DNM3: variants seen among roughly 807,000 people sequenced by gnomAD.
The protein encoded by DNM3 is dynamin 3.
A neutral mutation model predicts 101.6 loss-of-function variants in DNM3; 47 were observed. The observed-to-expected ratio is 0.46, with a 90% CI of 0.37 to 0.59. DNM3 has a LOEUF of 0.59. Among genes scored for constraint, DNM3 ranks in the 20% least tolerant of loss-of-function variants. The pLI is 0.00. For missense variants in DNM3, 849 were observed against 1,085.7 expected (o/e 0.78, Z 3.06); for synonymous variants, 385 against 387.9 (o/e 0.99, Z 0.09).
intron 1 of DNM3, among the ~76,000 whole-genome samples, chr1:171,861,212 T>G (rs1483932491): frequency 6.6e-6 from 1 of 152,106 alleles, no homozygotes; most frequent in Non-Finnish European, 1.5e-5. Flanking sequence ...CTATCAAAAT[T>G]CCAGATGCCA....
chr1:172,032,310 A>C, intron 4 of DNM3, 92 bp from the exon 5 acceptor site: 1 of 928,880 alleles, frequency 1.1e-6, no homozygotes, highest in Non-Finnish European at 1.7e-6. Flanking sequence ...AGGACCAGGA[A>C]AATGTGCTTT....
chr1:171,894,707 G>A (rs1034812323), intron 1 of DNM3, among the ~76,000 whole-genome samples: 1 of 152,152 alleles, frequency 6.6e-6, no homozygotes, highest in African/African-American at 2.4e-5. Flanking sequence ...TTTACATTAG[G>A]TATTTCTCCT....
At chr1:171,920,863 A>G (rs1260778272) in intron 1 of DNM3, among the ~76,000 whole-genome samples, 1 of 152,190 alleles carries the variant, frequency 6.6e-6, no homozygotes, top group Admixed American at 6.5e-5. Flanking sequence ...TCAATTTGCA[A>G]TGTTTGTTTT....
chr1:171,927,211 C>G (rs961449354), intron 2 of DNM3, among the ~76,000 whole-genome samples: 1 of 152,204 alleles, frequency 6.6e-6, no homozygotes, highest in Non-Finnish European at 1.5e-5. Context: ...TCAGGATACA[C>G]TATCAATACA....
chr1:172,296,750 T>C (rs530907481), intron 15 of DNM3, among the ~76,000 whole-genome samples: 1 of 152,230 alleles, frequency 6.6e-6, no homozygotes, highest in Non-Finnish European at 1.5e-5. Context: ...CTGCTCCTAA[T>C]GTGAATGGAG....
intron 14 of DNM3, among the ~76,000 whole-genome samples, chr1:172,157,071 C>T (rs1220229024): frequency 2.0e-5 from 3 of 152,058 alleles, no homozygotes; most frequent in Non-Finnish European, 4.4e-5. Context: ...ATTTATTGTG[C>T]ACTTTATTTC....
intron 10 of DNM3, among the ~76,000 whole-genome samples, chr1:172,049,854 C>T (rs540019672): frequency 2.6e-5 from 4 of 151,986 alleles, no homozygotes; most frequent in Non-Finnish European, 5.9e-5. Context: ...GACAGAAAGG[C>T]TCAGGTAAAG....
intron 17 of DNM3, among the ~76,000 whole-genome samples, chr1:172,355,041 C>G (rs1451782367): frequency 1.3e-5 from 2 of 152,104 alleles, no homozygotes; most frequent in East Asian, 3.9e-4. Flanking sequence ...GTATAGGTTC[C>G]TCATTCTGTA....
rs527965973 is a variant in DNM3 at position 171,847,500 on chromosome 1, C to T, written c.161+5683C>T. Among the ~76,000 whole-genome samples the T allele has an allele frequency of 5.3e-5, 8 of 150,638 alleles. No individual in the cohort carries two copies. In the South Asian group the frequency reaches 1.7e-3, roughly 32 times the overall value. On this transcript the variant is annotated intron_variant, in intron 1 of 20. Transcript: ENST00000627582. The stretch of plus-strand genomic sequence containing the variant: ...ACTGTGACTTTATCACAAAGAGATA[C>T]TGTATATTGGAGAGGGCCCTAGAGA...
intron 2 of DNM3, among the ~76,000 whole-genome samples, chr1:171,925,395 T>A (rs951644223): frequency 1.3e-5 from 2 of 150,800 alleles, no homozygotes; most frequent in African/African-American, 4.9e-5. Flanking sequence ...ACCTGGCTAA[T>A]TTTTTTTTGT....
At chr1:172,196,134 C>A (rs922832273) in intron 14 of DNM3, among the ~76,000 whole-genome samples, 22 of 151,792 alleles carry the variant, frequency 1.4e-4, no homozygotes, top group South Asian at 2.1e-4. Context: ...TTAGCTCCCA[C>A]CGATAAGTGA....
chr1:171,860,760 A>C (rs1489584788), intron 1 of DNM3, among the ~76,000 whole-genome samples: 1 of 152,080 alleles, frequency 6.6e-6, no homozygotes, highest in African/African-American at 2.4e-5. Context: ...AGAGTCTACA[A>C]ATATTTTGGA....
chr1:172,400,507 A>C (rs2070396765), intron 20 of DNM3, among the ~76,000 whole-genome samples: 1 of 152,026 alleles, frequency 6.6e-6, no homozygotes, highest in Non-Finnish European at 1.5e-5. Flanking sequence ...AGGAAAAAAA[A>C]TCACTTGTAA....
intron 1 of DNM3, among the ~76,000 whole-genome samples, chr1:171,846,912 C>A (rs1451621413): frequency 6.6e-6 from 1 of 152,222 alleles, no homozygotes; most frequent in African/African-American, 2.4e-5. Context: ...TTCATACCTT[C>A]TATTCCTTAC....
intron 14 of DNM3, among the ~76,000 whole-genome samples, chr1:172,234,503 T>G (rs981979237): frequency 6.6e-6 from 1 of 152,118 alleles, no homozygotes; most frequent in Non-Finnish European, 1.5e-5. Flanking sequence ...AAGCTACCAA[T>G]GACTTTCTTC....
intron 1 of DNM3, among the ~76,000 whole-genome samples, chr1:171,859,199 T>C (rs949220090): frequency 3.9e-5 from 6 of 152,140 alleles, no homozygotes; most frequent in Non-Finnish European, 1.5e-5. Context: ...CGCTGTTTCA[T>C]TGCCTTTGTT....
chr1:172,388,293 T>C (rs12404665), intron 19 of DNM3, among the ~76,000 whole-genome samples: 71,769 of 151,212 alleles, frequency 0.47, 19,974 homozygotes, highest in East Asian at 0.87. Context: ...AAAAGCAATT[T>C]ATATATAGAG....
intron 2 of DNM3, among the ~76,000 whole-genome samples, chr1:171,944,822 GT>G (rs200727956): frequency 1.3e-5 from 1 of 75,316 alleles, no homozygotes. Flanking sequence ...ATATTAAAGT[GT>G]TTTTTTTTGT....
At chr1:172,313,244 A>G (rs1244464650) in intron 16 of DNM3, among the ~76,000 whole-genome samples, 2 of 152,212 alleles carry the variant, frequency 1.3e-5, no homozygotes, top group African/African-American at 4.8e-5. Flanking sequence ...TAATGTAATT[A>G]ATTGTTATTT....
Sources: gnomAD v4.1 joint callset for allele counts (sites outside exome capture counted in the v4.1 genomes callset) on GRCh38, gnomAD v4.1.1 for gene constraint, MANE v1.5 for transcripts, NCBI Gene and HGNC (gene_info 2026-07-23, HGNC 2026-07-21) for gene names.